The following UGT1A9 variants were observed in gnomAD, a reference collection of about 807,000 sequenced individuals.
UGT1A9 encodes the protein UDP-glucuronosyltransferase 1A9.
UGT1A9 carries 35 observed loss-of-function variants against 45.0 expected under a neutral mutation model. That is an observed-to-expected ratio of 0.78 (90% CI 0.59 to 1.03). The LOEUF (loss-of-function observed/expected upper bound fraction) is 1.03. Among genes scored for constraint, UGT1A9 ranks in the 50% least tolerant of loss-of-function variants. UGT1A9 has a pLI of 0.00. For missense variants in UGT1A9, 687 were observed against 666.6 expected (o/e 1.03, Z -0.34); for synonymous variants, 278 against 250.6 (o/e 1.11, Z -1.03).
At chr2:233,731,770 T>C (rs1223640583) in intron 1 of UGT1A9, among the ~76,000 whole-genome samples, 2 of 152,114 alleles carry the variant, frequency 1.3e-5, no homozygotes, top group Non-Finnish European at 2.9e-5. Context: ...CTTAGAGTAG[T>C]ATCATTTATA....
At position 233,769,700 on chromosome 2, in the gene UGT1A9, T is replaced by A; in HGVS notation, c.1295+1261T>A. The A allele has an allele frequency of 3.3e-6, 5 of 1,527,942 alleles. No homozygotes were observed. The highest frequency in any genetic ancestry group is 4.4e-6 in the Non-Finnish European group (5 of 1,136,410). 94.6% of individuals were successfully genotyped at this position (1,527,942 alleles called of 1,614,324 possible). On this transcript the variant is annotated intron_variant, in intron 4 of 4. Transcript: ENST00000354728. This position sits in a 1 kb window ranked among gnomAD's most constrained non-coding sequence, Gnocchi z 4.4. Reference sequence around the variant, plus strand: ...GTGTGTGGTGGCACTGGATAAAAGATCAATGTTGGCTAGGCACCATGGCAC... The same window carrying A: ...GTGTGTGGTGGCACTGGATAAAAGAACAATGTTGGCTAGGCACCATGGCAC...
intron 1 of UGT1A9, among the ~76,000 whole-genome samples, chr2:233,678,468 G>C (rs1475716504): frequency 1.3e-5 from 2 of 152,198 alleles, no homozygotes; most frequent in Admixed American, 1.3e-4. Context: ...GGAGGCAGGA[G>C]AGGCAGGTGC....
chr2:233,769,729 C>T lies in UGT1A9; in HGVS notation c.1295+1290C>T. The T allele has an allele frequency of 6.8e-6, 10 of 1,468,988 alleles. No homozygotes were observed. Among genetic ancestry groups the T allele is most frequent in the Non-Finnish European group, 9.0e-6 (10 of 1,109,108 alleles). 91.0% of individuals were successfully genotyped at this position (1,468,988 alleles called of 1,614,324 possible). ...TGTTGGCTAGGCACCATGGCACACGCCTGTAGTCCCAGCCACTCTGGAGGC... is the reference window on the plus strand; with the variant it reads ...TGTTGGCTAGGCACCATGGCACACGTCTGTAGTCCCAGCCACTCTGGAGGC... On this transcript the variant is annotated intron_variant, in intron 4 of 4. Transcript: ENST00000354728. This position sits in a 1 kb window ranked among gnomAD's most constrained non-coding sequence, Gnocchi z 4.4.
chr2:233,746,871 T>C (rs1693501074), intron 1 of UGT1A9, among the ~76,000 whole-genome samples: 1 of 151,612 alleles, frequency 6.6e-6, no homozygotes, highest in Admixed American at 6.5e-5. Flanking sequence ...CTGATAAACG[T>C]GGTTAACAGA....
chr2:233,709,006 A>G (rs2076051981), intron 1 of UGT1A9, among the ~76,000 whole-genome samples: 1 of 152,104 alleles, frequency 6.6e-6, no homozygotes, highest in African/African-American at 2.4e-5. Flanking sequence ...TCTCAGTGTC[A>G]TAATACCCAA....
rs762067674 is a variant in UGT1A9 at position 233,713,351 on chromosome 2, G to A, written c.855+40562G>A. 1.7e-5 allele frequency: 27 copies of A among 1,614,060 alleles called. No homozygotes were observed. Among genetic ancestry groups the A allele is most frequent in the Admixed American group, 5.0e-5 (3 of 60,000 alleles). On this transcript the variant is annotated intron_variant, in intron 1 of 4. Transcript: ENST00000354728. ...GAAGAATGGCAATTATGAACAATATGTCTTTGATCATACATAGGTCTTGTG... is the reference window on the plus strand; with the variant it reads ...GAAGAATGGCAATTATGAACAATATATCTTTGATCATACATAGGTCTTGTG...
chr2:233,762,102 G>T (rs1697968941), intron 1 of UGT1A9, among the ~76,000 whole-genome samples: 1 of 151,864 alleles, frequency 6.6e-6, no homozygotes, highest in Non-Finnish European at 1.5e-5. Flanking sequence ...GTTGTTGATT[G>T]TCCGCTTCAC....
rs890288877 is a variant in UGT1A9, at chr2:233,747,512, C to T, written c.856-19522C>T. ...TTGTGCTGGGCCACACTCAACTGTA[C>T]TTTGAAACAGAACATTTTCTGAAGA... On this transcript the variant is annotated intron_variant, in intron 1 of 4. Transcript: ENST00000354728. The T allele has an allele frequency of 5.6e-6, 9 of 1,607,598 alleles. No homozygotes were observed. In the South Asian group the frequency reaches 8.8e-5, roughly 16 times the overall value.
In UGT1A9 at chr2:233,767,884, T is replaced by A. The variant is rs149750520; in HGVS notation, c.1023T>A (p.Asn341Lys). The A allele has an allele frequency of 1.2e-6, 2 of 1,614,080 alleles. No individual in the cohort carries two copies. Among genetic ancestry groups the A allele is most frequent in the African/African-American group, 2.7e-5 (2 of 74,910 alleles). The change falls in exon 3 of 5, where the codon AAT (asparagine) becomes AAA (lysine). Residue 341 changes from asparagine to lysine, a missense_variant. Transcript: ENST00000354728. ...LWRYTGTRPSNLANNTILVKW... is the reference protein window; with the variant it reads ...LWRYTGTRPSKLANNTILVKW... ...GGTACACTGGAACCCGACCATCGAATCTTGCGAACAACACGATACTTGTTA... is the reference window on the plus strand; with the variant it reads ...GGTACACTGGAACCCGACCATCGAAACTTGCGAACAACACGATACTTGTTA...
At chr2:233,771,544 A>C (rs1300566643) in intron 4 of UGT1A9, 1 of 152,264 alleles carries the variant, frequency 6.6e-6, no homozygotes, top group Non-Finnish European at 1.5e-5. Flanking sequence ...GGCACTTACA[A>C]ATGGCTGTTA....
At chr2:233,724,321 C>A (rs1437047103) in intron 1 of UGT1A9, among the ~76,000 whole-genome samples, 7 of 146,642 alleles carry the variant, frequency 4.8e-5, no homozygotes, top group East Asian at 4.5e-4. Context: ...GACGGGGCGG[C>A]TGGCCAGGCG....
chr2:233,750,586 G>A (rs1377079508), intron 1 of UGT1A9: 2 of 151,926 alleles, frequency 1.3e-5, no homozygotes, highest in East Asian at 3.9e-4. Flanking sequence ...CAGGCCTGGA[G>A]GCCTAGGAAG....
chr2:233,705,587 A>T (rs1466841331), intron 1 of UGT1A9, among the ~76,000 whole-genome samples: 1 of 152,138 alleles, frequency 6.6e-6, no homozygotes, highest in Non-Finnish European at 1.5e-5. Context: ...TGGTTTATGG[A>T]TCTGGGAAAG....
intron 1 of UGT1A9, among the ~76,000 whole-genome samples, chr2:233,683,661 A>T (rs956582405): frequency 6.6e-6 from 1 of 152,054 alleles, no homozygotes; most frequent in Non-Finnish European, 1.5e-5. Flanking sequence ...AAAGTATTTC[A>T]TCTTTCTTAT....
rs761622962 is a variant in UGT1A9 at position 233,769,246 on chromosome 2, A to C, written c.1295+807A>C. On this transcript the variant is annotated intron_variant, in intron 4 of 4. Transcript: ENST00000354728. The surrounding 1 kb of genome is among the most constrained non-coding windows in gnomAD (Gnocchi z 4.4). The stretch of plus-strand genomic sequence containing the variant: ...TAAGAGCAAAGGAAAATTTGCTCAA[A>C]TGTGGCCCTGAAAACGATTCAAAGG... Among the ~76,000 whole-genome samples the C allele has an allele frequency of 6.6e-6, 1 of 152,238 alleles. No individual in the cohort carries two copies. Among genetic ancestry groups the C allele is most frequent in the Non-Finnish European group, 1.5e-5 (1 of 68,028 alleles).
chr2:233,704,715 G>T (rs973511886), intron 1 of UGT1A9, among the ~76,000 whole-genome samples: 5 of 152,008 alleles, frequency 3.3e-5, no homozygotes, highest in African/African-American at 1.2e-4. Flanking sequence ...AGCCCAATTT[G>T]CCTTTGCTCC....
chr2:233,744,569 T>A (rs1692854365), intron 1 of UGT1A9, among the ~76,000 whole-genome samples: 2 of 151,878 alleles, frequency 1.3e-5, no homozygotes, highest in Non-Finnish European at 2.9e-5. Context: ...GTGAGAAGAG[T>A]GGCATCGTTT....
chr2:233,713,207 G>T (rs757096232), intron 1 of UGT1A9: 2 of 1,614,230 alleles, frequency 1.2e-6, no homozygotes, highest in Admixed American at 1.7e-5. Context: ...TCAAAGAAGA[G>T]AACTTTTTCA....
intron 1 of UGT1A9, among the ~76,000 whole-genome samples, chr2:233,718,473 G>C (rs2076656513): frequency 6.6e-6 from 1 of 152,232 alleles, no homozygotes; most frequent in African/African-American, 2.4e-5. Context: ...GCTGCAGCCT[G>C]ATAAATATGG....
Sources: gnomAD v4.1 joint callset for allele counts (sites outside exome capture counted in the v4.1 genomes callset) on GRCh38, gnomAD v4.1.1 for gene constraint, Gnocchi (gnomAD v3.1) non-coding constraint, MANE v1.5 for transcripts, NCBI Gene and HGNC (gene_info 2026-07-23, HGNC 2026-07-21) for gene names.